The following GRID2 variants were observed in gnomAD, a reference collection of about 807,000 sequenced individuals.
GRID2 encodes glutamate receptor ionotropic, delta-2.
A neutral mutation model predicts 114.8 loss-of-function variants in GRID2; 33 were observed. The ratio of observed to expected loss-of-function variants is 0.29; its 90% CI spans 0.22 to 0.38. GRID2 has a LOEUF of 0.38. GRID2 is among the 10% of genes least tolerant of loss of function. The pLI, the probability that GRID2 is intolerant of heterozygous loss-of-function variation, is 1.00. For synonymous variants in GRID2, 505 were observed against 449.9 expected (o/e 1.12, Z -1.55); for missense variants, 1,184 against 1,257.7 (o/e 0.94, Z 0.89).
At chr4:92,449,840 T>C (rs936229999) in intron 1 of GRID2, among the ~76,000 whole-genome samples, 4 of 151,550 alleles carry the variant, frequency 2.6e-5, no homozygotes, top group African/African-American at 9.7e-5. Flanking sequence ...GTATGAGTAA[T>C]TTAGTCAGTG....
At chr4:92,664,862 T>A (rs1732692550) in intron 2 of GRID2, among the ~76,000 whole-genome samples, 1 of 151,150 alleles carries the variant, frequency 6.6e-6, no homozygotes, top group African/African-American at 2.4e-5. Flanking sequence ...CTCTTTTGGT[T>A]ACTATTTGTA....
At chr4:92,782,179 C>G (rs1305281959) in intron 2 of GRID2, among the ~76,000 whole-genome samples, 1 of 151,986 alleles carries the variant, frequency 6.6e-6, no homozygotes, top group African/African-American at 2.4e-5. Flanking sequence ...GACAGTAATA[C>G]TGTTATTTAT....
intron 1 of GRID2, among the ~76,000 whole-genome samples, chr4:92,483,129 G>A (rs1722698195): frequency 1.3e-5 from 2 of 152,114 alleles, no homozygotes; most frequent in Non-Finnish European, 2.9e-5. Context: ...CACAAGGTCA[G>A]GAGTTAGAAA....
intron 2 of GRID2, among the ~76,000 whole-genome samples, chr4:92,671,758 T>C (rs557232352): frequency 4.1e-4 from 63 of 152,250 alleles, no homozygotes; most frequent in African/African-American, 1.5e-3. Context: ...AGTGTCCAAA[T>C]AGGAAGATAA....
intron 2 of GRID2, among the ~76,000 whole-genome samples, chr4:92,852,213 T>C (rs1427779522): frequency 6.6e-6 from 1 of 151,592 alleles, no homozygotes; most frequent in Non-Finnish European, 1.5e-5. Flanking sequence ...GTAAGGGAGG[T>C]ATTTGTCTAT....
chr4:93,194,412 C>CTATT (rs1196678685), intron 4 of GRID2, among the ~76,000 whole-genome samples: 5 of 152,066 alleles, frequency 3.3e-5, no homozygotes, highest in Non-Finnish European at 7.4e-5. Flanking sequence ...TTTCTCTTTA[C>CTATT]AATAGGCTTG....
intron 4 of GRID2, among the ~76,000 whole-genome samples, chr4:93,128,038 AAAAAAAAAAAAAAAAAAAAAAC>A (rs1734442670): frequency 2.1e-5 from 3 of 142,524 alleles, no homozygotes; most frequent in South Asian, 4.5e-4. Context: ...AAAAAAAAAA[AAAAAAAAAAAAAAAAAAAAAAC>A]AACAGTACGT....
intron 1 of GRID2, among the ~76,000 whole-genome samples, chr4:92,382,750 AT>A (rs1729681847): frequency 6.6e-6 from 1 of 152,076 alleles, no homozygotes; most frequent in East Asian, 1.9e-4. Flanking sequence ...TCAAATATAT[AT>A]TTTATGTGTA....
At chr4:92,811,530 A>C (rs1268460211) in intron 2 of GRID2, among the ~76,000 whole-genome samples, 1 of 152,040 alleles carries the variant, frequency 6.6e-6, no homozygotes, top group Non-Finnish European at 1.5e-5. Context: ...TTAACCCCCA[A>C]ATTTACCTAA....
At chr4:92,629,780 T>A (rs1730704396) in intron 2 of GRID2, among the ~76,000 whole-genome samples, 1 of 127,504 alleles carries the variant, frequency 7.8e-6, no homozygotes, top group African/African-American at 2.9e-5. Flanking sequence ...TGTTTTTTCT[T>A]TTTTTTTTTT....
At chr4:92,806,376 A>G (rs1271392440) in intron 2 of GRID2, among the ~76,000 whole-genome samples, 1 of 151,968 alleles carries the variant, frequency 6.6e-6, no homozygotes. Flanking sequence ...AAAAGATTGT[A>G]TAAATGCAAT....
intron 8 of GRID2, among the ~76,000 whole-genome samples, chr4:93,332,303 A>T (rs35248588): frequency 0.35 from 44,890 of 126,694 alleles, 7,512 homozygotes; most frequent in East Asian, 0.6. Flanking sequence ...TGTGTGTGAG[A>T]GAGAGAGAGA....
intron 2 of GRID2, among the ~76,000 whole-genome samples, chr4:92,991,451 G>A (rs932975515): frequency 2.0e-5 from 3 of 152,224 alleles, no homozygotes; most frequent in Middle Eastern, 3.4e-3. Context: ...ATTATCTGAC[G>A]AAGTCCACAC....
At chr4:92,659,834 C>T (rs1033117416) in intron 2 of GRID2, among the ~76,000 whole-genome samples, 2 of 151,382 alleles carry the variant, frequency 1.3e-5, no homozygotes, top group East Asian at 1.9e-4. Flanking sequence ...TCAACCTTTA[C>T]ATTTCCATTT....
At chr4:93,527,344 C>G (rs772292899) in intron 13 of GRID2, among the ~76,000 whole-genome samples, 1 of 152,136 alleles carries the variant, frequency 6.6e-6, no homozygotes, top group Admixed American at 6.6e-5. Context: ...GCTCTGCTAT[C>G]TGGCGCCAGC....
chr4:92,416,457 C>T (rs1196638179), intron 1 of GRID2, among the ~76,000 whole-genome samples: 1 of 152,066 alleles, frequency 6.6e-6, no homozygotes, highest in Admixed American at 6.6e-5. Context: ...CTTTTGGATT[C>T]TTGGTCATGA....
intron 2 of GRID2, among the ~76,000 whole-genome samples, chr4:92,894,524 A>G (rs1262351708): frequency 6.6e-6 from 1 of 152,154 alleles, no homozygotes. Flanking sequence ...CAGCTTGACA[A>G]TATTTCAAAT....
intron 13 of GRID2, among the ~76,000 whole-genome samples, chr4:93,536,174 A>G (rs530477551): frequency 3.9e-5 from 6 of 152,134 alleles, no homozygotes; most frequent in African/African-American, 1.4e-4. Flanking sequence ...CATGATTCCA[A>G]TGACTATTTT....
Position 93,071,956 on chromosome 4 carries a change from C to G in GRID2, c.245-13039C>G, listed in dbSNP as rs978430375. Reference sequence around the variant, plus strand: ...AAGTCTGTTTAAATGTAATTAAAAACAGTGACTGAGTTTATAAGCACTGGA... The same window carrying G: ...AAGTCTGTTTAAATGTAATTAAAAAGAGTGACTGAGTTTATAAGCACTGGA... On this transcript the variant is annotated intron_variant, in intron 2 of 15. Coordinates refer to ENST00000282020, the MANE Select transcript of GRID2 (RefSeq NM_001510.4). Among the ~76,000 whole-genome samples the G allele has an allele frequency of 3.9e-5, 6 of 152,232 alleles. No individual in the cohort carries two copies. In the East Asian group the frequency reaches 1.2e-3, roughly 29 times the overall value.
Sources: allele counts gnomAD v4.1 joint callset (sites outside exome capture counted in the v4.1 genomes callset), GRCh38; gene constraint gnomAD v4.1.1; transcripts MANE v1.5; gene names NCBI Gene and HGNC (gene_info 2026-07-23, HGNC 2026-07-21).